ZFAND3: variants seen among roughly 807,000 people sequenced by gnomAD.
ZFAND3 encodes AN1-type zinc finger protein 3.
ZFAND3 carries 10 observed loss-of-function variants against 29.6 expected under a neutral mutation model. The ratio of observed to expected loss-of-function variants is 0.34; its 90% confidence interval spans 0.21 to 0.57. ZFAND3 has a LOEUF of 0.57. Ranked by LOEUF, ZFAND3 falls within the 20% of genes least tolerant of loss-of-function variation. The pLI, the probability that ZFAND3 is intolerant of heterozygous loss-of-function variation, is 0.86. For synonymous variants in ZFAND3, 128 were observed against 112.6 expected (o/e 1.14, Z -0.87); for missense variants, 230 against 304.5 (o/e 0.76, Z 1.82).
At chr6:38,043,714 G>A (rs1763842014) in intron 2 of ZFAND3, among the ~76,000 whole-genome samples, 1 of 151,992 alleles carries the variant, frequency 6.6e-6, no homozygotes, top group African/African-American at 2.4e-5. Context: ...AGGGTCCAAG[G>A]ACTCCTCCTG....
At chr6:37,944,341 A>G (rs1229059402) in intron 2 of ZFAND3, among the ~76,000 whole-genome samples, 1 of 152,216 alleles carries the variant, frequency 6.6e-6, no homozygotes, top group Non-Finnish European at 1.5e-5. Context: ...GATTTTTAAA[A>G]AACCCATGAT....
chr6:37,929,885 A>G, intron 1 of ZFAND3, 74 bp from the exon 2 acceptor site: 1 of 1,413,664 alleles, frequency 7.1e-7, no homozygotes, highest in Non-Finnish European at 9.4e-7. Context: ...TACGTTTCTG[A>G]CATCTTATGT....
At chr6:37,960,808 G>C (rs1049577645) in intron 2 of ZFAND3, among the ~76,000 whole-genome samples, 1 of 151,986 alleles carries the variant, frequency 6.6e-6, no homozygotes, top group African/African-American at 2.4e-5. Flanking sequence ...GACTGGTTTT[G>C]GTGGCTCACA....
In ZFAND3 at chr6:37,901,736, G is replaced by A. The variant is rs887916421; in HGVS notation, c.72-28223G>A. 6.6e-5 allele frequency among the ~76,000 whole-genome samples: 10 copies of A among 152,310 alleles called. No homozygotes were observed. The South Asian group carries it at 1.9e-3, about 28-fold the overall frequency. On this transcript the variant is annotated intron_variant, in intron 1 of 5. Transcript: ENST00000287218. ...AGGGGCTTCAGCCTTTTGAATGAAAGCAGTGAGGTTGAGTGAAGGTTTGAT... is the reference window on the plus strand; with the variant it reads ...AGGGGCTTCAGCCTTTTGAATGAAAACAGTGAGGTTGAGTGAAGGTTTGAT...
chr6:37,945,602 T>C (rs1761887460), intron 2 of ZFAND3, among the ~76,000 whole-genome samples: 4 of 152,314 alleles, frequency 2.6e-5, no homozygotes, highest in Non-Finnish European at 5.9e-5. Flanking sequence ...CTCGAACTCC[T>C]GAACTCCAGT....
At chr6:37,859,406 TTTC>T (rs886548591) in intron 1 of ZFAND3, among the ~76,000 whole-genome samples, 1 of 152,228 alleles carries the variant, frequency 6.6e-6, no homozygotes, top group Non-Finnish European at 1.5e-5. Context: ...TGCTGAACCC[TTTC>T]TTCTCTTCAT....
At chr6:38,043,499 C>T (rs533908292) in intron 2 of ZFAND3, among the ~76,000 whole-genome samples, 34 of 146,264 alleles carry the variant, frequency 2.3e-4, no homozygotes, top group Non-Finnish European at 3.9e-4. Flanking sequence ...CTCTTTTCTT[C>T]CTCCCTTCCT....
At chr6:38,029,506 C>G (rs1318783567) in intron 2 of ZFAND3, among the ~76,000 whole-genome samples, 1 of 152,130 alleles carries the variant, frequency 6.6e-6, no homozygotes, top group Non-Finnish European at 1.5e-5. Flanking sequence ...CTCTCTAACA[C>G]CAGTGAAACA....
At chr6:37,992,840 A>AT (rs201982577) in intron 2 of ZFAND3, among the ~76,000 whole-genome samples, 69 of 150,170 alleles carry the variant, frequency 4.6e-4, no homozygotes, top group Middle Eastern at 6.8e-3. Context: ...TTTTCCTGTC[A>AT]TTTTTTTTTG....
intron 1 of ZFAND3, among the ~76,000 whole-genome samples, chr6:37,835,362 G>C (rs1561905032): frequency 6.6e-6 from 1 of 151,874 alleles, no homozygotes; most frequent in South Asian, 2.1e-4. Flanking sequence ...TCACCATGTT[G>C]CCCAGGCTGG....
intron 2 of ZFAND3, among the ~76,000 whole-genome samples, chr6:38,002,288 T>TTC (rs1762962902): frequency 6.6e-6 from 1 of 150,678 alleles, no homozygotes; most frequent in Non-Finnish European, 1.5e-5. Flanking sequence ...TTCTTTTCTT[T>TTC]TTTTTTTTTT....
intron 1 of ZFAND3, among the ~76,000 whole-genome samples, chr6:37,880,930 G>A (rs1764882265): frequency 6.6e-6 from 1 of 151,144 alleles, no homozygotes; most frequent in Non-Finnish European, 1.5e-5. Flanking sequence ...GTTGGTGGGT[G>A]CAGCGCACCA....
chr6:38,137,969 G>A (rs981194952), intron 5 of ZFAND3, among the ~76,000 whole-genome samples: 3 of 152,084 alleles, frequency 2.0e-5, no homozygotes, highest in South Asian at 2.1e-4. Flanking sequence ...TAGTGAGAAG[G>A]CATTGAATGG....
intron 2 of ZFAND3, chr6:38,003,214 A>T (rs1434733502): frequency 6.5e-6 from 1 of 153,562 alleles, no homozygotes; most frequent in Non-Finnish European, 1.5e-5. Context: ...TCTTTATGTG[A>T]CGTGATGGCA....
At chr6:37,993,454 G>A (rs566533196) in intron 2 of ZFAND3, among the ~76,000 whole-genome samples, 1 of 152,224 alleles carries the variant, frequency 6.6e-6, no homozygotes, top group South Asian at 2.1e-4. Flanking sequence ...ACCCTCGCAA[G>A]TAGCTAAGAT....
chr6:38,131,402 T>C (rs961395842), intron 5 of ZFAND3, among the ~76,000 whole-genome samples: 3 of 152,248 alleles, frequency 2.0e-5, no homozygotes, highest in Admixed American at 6.5e-5. Flanking sequence ...TTAGAGTCCT[T>C]CTTTAGAAGG....
intron 2 of ZFAND3, among the ~76,000 whole-genome samples, chr6:37,953,376 CT>C (rs943950718): frequency 4.1e-5 from 6 of 147,856 alleles, no homozygotes; most frequent in African/African-American, 1.5e-4. Context: ...TAATAATATA[CT>C]TTCATTTCTT....
intron 2 of ZFAND3, among the ~76,000 whole-genome samples, chr6:37,962,573 G>C (rs184855592): frequency 5.0e-4 from 76 of 152,274 alleles, no homozygotes; most frequent in East Asian, 2.1e-3. Context: ...ACCAATCAGC[G>C]CTCTGTGTCT....
intron 4 of ZFAND3, among the ~76,000 whole-genome samples, chr6:38,112,478 C>T (rs1765338983): frequency 6.6e-6 from 1 of 152,190 alleles, no homozygotes; most frequent in African/African-American, 2.4e-5. Context: ...TTCTTGTCAC[C>T]TCTCTCTCCA....
Sources: allele counts gnomAD v4.1 joint callset (sites outside exome capture counted in the v4.1 genomes callset), GRCh38; gene constraint gnomAD v4.1.1; transcripts MANE v1.5; gene names NCBI Gene and HGNC (gene_info 2026-07-23, HGNC 2026-07-21).